SORCS2: variants seen among roughly 807,000 people sequenced by gnomAD.
SORCS2 encodes VPS10 domain-containing receptor SorCS2.
Under a neutral mutation model 141.6 loss-of-function variants are expected in SORCS2, and 100 were observed. That is an observed-to-expected ratio of 0.71 (90% CI 0.60 to 0.83). The LOEUF (loss-of-function observed/expected upper bound fraction) is 0.83. Among genes scored for constraint, SORCS2 ranks in the 40% least tolerant of loss-of-function variants. The probability of loss-of-function intolerance (pLI) is 0.00; values close to 1 mark genes in which losing one functional copy is unlikely to be tolerated. For synonymous variants in SORCS2, 789 were observed against 676.9 expected (o/e 1.17, Z -2.57); for missense variants, 1,646 against 1,560.2 (o/e 1.05, Z -0.93).
chr4:7,647,456 G>A (rs542797480), intron 4 of SORCS2, among the ~76,000 whole-genome samples: 7 of 152,306 alleles, frequency 4.6e-5, no homozygotes, highest in African/African-American at 1.7e-4. Flanking sequence ...CACGGGTGGA[G>A]CCTTCATCCC....
At chr4:7,273,385 A>G (rs1459433270) in intron 1 of SORCS2, among the ~76,000 whole-genome samples, 1 of 152,112 alleles carries the variant, frequency 6.6e-6, no homozygotes, top group Admixed American at 6.5e-5. Context: ...ACCATGGCAT[A>G]ACCCAGCTGA....
chr4:7,712,779 G>C lies in SORCS2; in HGVS notation c.1915G>C (p.Val639Leu). 1 of 1,613,892 alleles carries C rather than the reference G, an allele frequency of 6.2e-7. No homozygotes were observed. Among genetic ancestry groups the C allele is most frequent in the Non-Finnish European group, 8.5e-7 (1 of 1,179,798 alleles). The change falls in exon 15 of 27, where the codon GTG becomes CTG. Residue 639 changes from valine (V) to leucine (L), a missense_variant. Val to Leu is a conservative substitution (Grantham distance 32, BLOSUM62 1). Coordinates refer to ENST00000507866, the MANE Select transcript of SORCS2 (RefSeq NM_020777.3). ...SFRSDWELVK[V>L]DFRPSFSRQC... ...CCGCTCCGATTGGGAGCTGGTCAAG[G>C]TGGACTTCCGGCCCTCATTCTCCAG... is the stretch of plus-strand genomic sequence containing the variant.
intron 1 of SORCS2, among the ~76,000 whole-genome samples, chr4:7,246,305 C>T (rs1713082018): frequency 1.3e-5 from 2 of 152,226 alleles, no homozygotes; most frequent in African/African-American, 4.8e-5. Flanking sequence ...GGCACTCTGA[C>T]CAAACACATC....
intron 1 of SORCS2, among the ~76,000 whole-genome samples, chr4:7,325,455 G>C (rs1719192552): frequency 6.6e-6 from 1 of 152,214 alleles, no homozygotes; most frequent in African/African-American, 2.4e-5. Context: ...AAAGCTAACT[G>C]GTTATCTTTA....
chr4:7,712,494 A>C (rs1319900442), intron 14 of SORCS2, among the ~76,000 whole-genome samples: 2 of 152,226 alleles, frequency 1.3e-5, no homozygotes, highest in African/African-American at 4.8e-5. Context: ...TGCAATTGAC[A>C]AGTCATAGAT....
chr4:7,639,849 G>C (rs1027629725), intron 4 of SORCS2, among the ~76,000 whole-genome samples: 1 of 148,862 alleles, frequency 6.7e-6, no homozygotes. Context: ...ATGTGTGGGT[G>C]TGAGGGTGTG....
intron 1 of SORCS2, among the ~76,000 whole-genome samples, chr4:7,217,221 T>C (rs1728414432): frequency 6.6e-6 from 1 of 152,112 alleles, no homozygotes; most frequent in Non-Finnish European, 1.5e-5. Context: ...GAACCTTCCA[T>C]CTCACCCCCG....
chr4:7,725,422 CT>C (rs1418965363), intron 20 of SORCS2, 135 bp downstream of exon 20: 3 of 1,302,426 alleles, frequency 2.3e-6, no homozygotes, highest in African/African-American at 3.0e-5. Context: ...TGGGCCCCTC[CT>C]GGGGCAGTTG....
chr4:7,323,727 G>A (rs35071273), intron 1 of SORCS2, among the ~76,000 whole-genome samples: 21,258 of 151,938 alleles, frequency 0.14, 1,508 homozygotes, highest in South Asian at 0.24. Context: ...TCAGGTCCTG[G>A]TTTGCCACTA....
chr4:7,425,753 C>T (rs776319563), intron 2 of SORCS2, among the ~76,000 whole-genome samples: 9 of 152,320 alleles, frequency 5.9e-5, no homozygotes, highest in South Asian at 4.1e-4. Flanking sequence ...TTAGGAATTG[C>T]GAGTTCTCAC....
At chr4:7,577,274 C>T (rs1374543276) in intron 3 of SORCS2, among the ~76,000 whole-genome samples, 1 of 152,182 alleles carries the variant, frequency 6.6e-6, no homozygotes, top group African/African-American at 2.4e-5. Flanking sequence ...GCACCAGTTC[C>T]CTGGTGGGGA....
chr4:7,686,729 C>T (rs952636527), intron 10 of SORCS2, among the ~76,000 whole-genome samples: 19 of 152,336 alleles, frequency 1.2e-4, no homozygotes, highest in Admixed American at 4.6e-4. Context: ...CCAAGCCTGC[C>T]GGCATTGCCC....
chr4:7,457,217 G>A (rs1728970825), intron 2 of SORCS2, among the ~76,000 whole-genome samples: 1 of 152,176 alleles, frequency 6.6e-6, no homozygotes, highest in Non-Finnish European at 1.5e-5. Context: ...CTTCCCAGCC[G>A]CCATGCACTG....
intron 15 of SORCS2, among the ~76,000 whole-genome samples, chr4:7,713,968 A>G (rs2109039232): frequency 6.6e-6 from 1 of 152,348 alleles, no homozygotes; most frequent in East Asian, 1.9e-4. Context: ...GGGGAACCTC[A>G]AAAGGGCTGC....
intron 2 of SORCS2, among the ~76,000 whole-genome samples, chr4:7,523,189 G>T (rs1422451065): frequency 1.3e-5 from 2 of 151,924 alleles, no homozygotes; most frequent in East Asian, 3.9e-4. Context: ...ATTCTAGGGA[G>T]AATTCCTCCC....
At chr4:7,715,015 C>T (rs1242240772) in intron 16 of SORCS2, among the ~76,000 whole-genome samples, 168 bp from the exon 17 acceptor site, 1 of 152,156 alleles carries the variant, frequency 6.6e-6, no homozygotes, top group Admixed American at 6.5e-5. Flanking sequence ...CCCTGTGTGC[C>T]CATCTGGGAT....
At chr4:7,226,388 G>A (rs1209561316) in intron 1 of SORCS2, among the ~76,000 whole-genome samples, 1 of 152,150 alleles carries the variant, frequency 6.6e-6, no homozygotes, top group African/African-American at 2.4e-5. Flanking sequence ...TCCAGGGCAG[G>A]AGCTGATGGA....
intron 3 of SORCS2, among the ~76,000 whole-genome samples, chr4:7,601,865 G>A (rs1717711338): frequency 6.6e-6 from 1 of 152,102 alleles, no homozygotes; most frequent in Non-Finnish European, 1.5e-5. Flanking sequence ...AGGGAGCGGT[G>A]ATGACTCTTA....
intron 1 of SORCS2, among the ~76,000 whole-genome samples, chr4:7,325,804 A>G (rs1320556906): frequency 6.6e-6 from 1 of 152,072 alleles, no homozygotes; most frequent in East Asian, 1.9e-4. Context: ...CTTGCTCTTC[A>G]GGCACAGAGA....
Sources: allele counts gnomAD v4.1 joint callset (sites outside exome capture counted in the v4.1 genomes callset), GRCh38; gene constraint gnomAD v4.1.1; transcripts MANE v1.5; gene names NCBI Gene and HGNC (gene_info 2026-07-23, HGNC 2026-07-21).